GMDS: variants seen among roughly 807,000 people sequenced by gnomAD.
The protein encoded by GMDS is GDP-mannose 4,6 dehydratase.
GMDS carries 20 observed loss-of-function variants against 49.9 expected under a neutral mutation model. The observed-to-expected ratio is 0.40, with a 90% CI of 0.28 to 0.58. The LOEUF is 0.58. GMDS is among the 20% of genes least tolerant of loss of function. The probability of loss-of-function intolerance (pLI) is 0.42; values close to 1 mark genes in which losing one functional copy is unlikely to be tolerated. For synonymous variants in GMDS, 177 were observed against 178.6 expected, an observed-to-expected ratio of 0.99 and a Z score of 0.07; for missense variants, 362 against 481.4, an observed-to-expected ratio of 0.75 and a Z score of 2.32.
chr6:1,871,859 T>C (rs1394483369), intron 7 of GMDS, among the ~76,000 whole-genome samples: 1 of 152,240 alleles, frequency 6.6e-6, no homozygotes. Flanking sequence ...TGCCTTCTTT[T>C]CTTTTCTCTT....
At chr6:1,652,457 A>ATT (rs1561700773) in intron 9 of GMDS, among the ~76,000 whole-genome samples, 1 of 12,522 alleles carries the variant, frequency 8.0e-5, no homozygotes, top group African/African-American at 3.1e-4. Flanking sequence ...TATATTATTT[A>ATT]TATATAATAT....
chr6:1,891,621 C>T (rs1164450977), intron 7 of GMDS, among the ~76,000 whole-genome samples: 1 of 152,158 alleles, frequency 6.6e-6, no homozygotes, highest in Non-Finnish European at 1.5e-5. Context: ...AGTGTTAGGT[C>T]AAGAAGAGGA....
In GMDS at chr6:1,624,019, C is replaced by T; in HGVS notation, c.*150G>A. On this transcript the variant is annotated 3_prime_UTR_variant, in exon 11 of 11. Transcript: ENST00000380815. The stretch of plus-strand genomic sequence containing the variant: ...GCTGCTACAAACCTCGGCGGGGCGG[C>T]CCCGCTCTTGCGGCCGGGACAGCGC... The T allele has an allele frequency of 3.0e-6, 2 of 662,008 alleles. No individual in the cohort carries two copies. Among genetic ancestry groups the T allele is most frequent in the Non-Finnish European group, 5.1e-6 (2 of 391,454 alleles). 41.0% of individuals were successfully genotyped at this position (662,008 alleles called of 1,614,324 possible).
intron 1 of GMDS, among the ~76,000 whole-genome samples, chr6:2,195,649 T>TA (rs1489673868): frequency 1.3e-5 from 2 of 152,096 alleles, no homozygotes; most frequent in Non-Finnish European, 2.9e-5. Context: ...GTCCTTCTTT[T>TA]TTTCTAAAGA....
At chr6:1,632,163 T>C (rs1763020831) in intron 9 of GMDS, among the ~76,000 whole-genome samples, 1 of 152,214 alleles carries the variant, frequency 6.6e-6, no homozygotes, top group South Asian at 2.1e-4. Context: ...GGTTCTGCCA[T>C]TCCTAGTCCA....
intron 1 of GMDS, among the ~76,000 whole-genome samples, chr6:2,163,937 T>C (rs1012396657): frequency 6.6e-6 from 1 of 152,238 alleles, no homozygotes; most frequent in East Asian, 1.9e-4. Flanking sequence ...GTGAAAGCCA[T>C]GTCTTCTGGA....
intron 4 of GMDS, among the ~76,000 whole-genome samples, chr6:2,012,100 C>G (rs1457599715): frequency 6.6e-6 from 1 of 151,850 alleles, no homozygotes; most frequent in Non-Finnish European, 1.5e-5. Flanking sequence ...TAAAAGATAT[C>G]ACAGACTTGG....
chr6:2,026,239 A>G (rs1768592292), intron 4 of GMDS, among the ~76,000 whole-genome samples: 1 of 152,116 alleles, frequency 6.6e-6, no homozygotes. Context: ...CAAGGTGTGG[A>G]AAGCCTCCCA....
intron 7 of GMDS, among the ~76,000 whole-genome samples, chr6:1,754,025 A>C (rs112202814): frequency 0.016 from 2,402 of 152,308 alleles, 64 homozygotes; most frequent in African/African-American, 0.055. Context: ...ACAAGAAATA[A>C]CTAACATTAG....
intron 4 of GMDS, among the ~76,000 whole-genome samples, chr6:1,966,486 G>T (rs2127309058): frequency 6.6e-6 from 1 of 152,184 alleles, no homozygotes; most frequent in Non-Finnish European, 1.5e-5. Flanking sequence ...CACTCGATTG[G>T]CATCAAGTCT....
intron 9 of GMDS, among the ~76,000 whole-genome samples, chr6:1,670,368 T>C (rs1207130328): frequency 6.8e-6 from 1 of 147,412 alleles, no homozygotes; most frequent in Admixed American, 6.8e-5. Context: ...GGGTTTTTTT[T>C]GGTTTTTTTT....
At chr6:1,803,909 AG>A (rs1037675746) in intron 7 of GMDS, among the ~76,000 whole-genome samples, 8 of 152,182 alleles carry the variant, frequency 5.3e-5, no homozygotes, top group Non-Finnish European at 1.2e-4. Flanking sequence ...CTGCAACTGA[AG>A]GGGTGAATAA....
intron 8 of GMDS, among the ~76,000 whole-genome samples, chr6:1,740,059 CAG>C (rs1255596174): frequency 6.6e-6 from 1 of 152,104 alleles, no homozygotes; most frequent in African/African-American, 2.4e-5. Context: ...TTGATTCCTA[CAG>C]AGAACATAAA....
chr6:1,679,079 T>C (rs994527171), intron 9 of GMDS: 8 of 152,192 alleles, frequency 5.3e-5, no homozygotes, highest in Admixed American at 4.6e-4. Flanking sequence ...GTCCTCTCTC[T>C]CCGCACACAC....
chr6:2,123,689 T>G (rs1013376430), intron 2 of GMDS, among the ~76,000 whole-genome samples: 1 of 152,254 alleles, frequency 6.6e-6, no homozygotes, highest in African/African-American at 2.4e-5. Flanking sequence ...CAGCAGCTTA[T>G]GCATATGGAC....
At chr6:2,129,949 A>T (rs896107930) in intron 1 of GMDS, among the ~76,000 whole-genome samples, 1 of 152,248 alleles carries the variant, frequency 6.6e-6, no homozygotes, top group Non-Finnish European at 1.5e-5. Context: ...CTCTCATTTT[A>T]CAGATCAGGA....
At position 1,670,838 on chromosome 6, in the gene GMDS, G is replaced by A. The variant is rs181559200; in HGVS notation, c.988-46298C>T. On this transcript the variant is annotated intron_variant, in intron 9 of 10. Coordinates refer to ENST00000380815, the MANE Select transcript of GMDS (RefSeq NM_001500.4). ...ATGGCCTCGGGTAAGTACCTAGTAC[G>A]TTTTTAAAAAATGCATCTTCATTCT... 3.7e-3 allele frequency among the ~76,000 whole-genome samples: 556 copies of A among 152,232 alleles called. 6 individuals are homozygous for A. Among genetic ancestry groups the A allele is most frequent in the South Asian group, 9.3e-3 (45 of 4,818 alleles).
At chr6:1,827,701 A>G (rs541875804) in intron 7 of GMDS, among the ~76,000 whole-genome samples, 2 of 152,334 alleles carry the variant, frequency 1.3e-5, no homozygotes, top group East Asian at 3.9e-4. Context: ...GCCACCATGC[A>G]TAGCCAGGGT....
At chr6:1,714,101 T>C (rs1043740042) in intron 9 of GMDS, among the ~76,000 whole-genome samples, 1 of 152,182 alleles carries the variant, frequency 6.6e-6, no homozygotes, top group Non-Finnish European at 1.5e-5. Flanking sequence ...CACTGCAAGC[T>C]CCGCCTCCTG....
Sources: gnomAD v4.1 joint callset for allele counts (sites outside exome capture counted in the v4.1 genomes callset) on GRCh38, gnomAD v4.1.1 for gene constraint, MANE v1.5 for transcripts, NCBI Gene and HGNC (gene_info 2026-07-23, HGNC 2026-07-21) for gene names.